Variants in SSX7 observed in about 807,000 individuals in gnomAD.
The protein encoded by SSX7 is protein SSX7.
Under a neutral mutation model 14.7 loss-of-function variants are expected in SSX7, and 15 were observed. The ratio of observed to expected loss-of-function variants is 1.02; its 90% CI spans 0.68 to 1.58. SSX7 has a LOEUF of 1.58. Ranked by LOEUF, SSX7 falls within the 40% of genes most tolerant of loss-of-function variation. The probability of loss-of-function intolerance (pLI) is 0.00; values close to 1 mark genes in which losing one functional copy is unlikely to be tolerated. For missense variants in SSX7, 178 were observed against 146.8 expected, an observed-to-expected ratio of 1.21 and a Z score of -1.10; for synonymous variants, 46 against 50.6, an observed-to-expected ratio of 0.91 and a Z score of 0.38.
intron 5 of SSX7, among the ~76,000 whole-genome samples, chrX:52,649,425 T>G (rs1171445227): frequency 8.9e-6 from 1 of 112,317 alleles, no homozygotes; most frequent in Non-Finnish European, 1.9e-5. Context: ...TTGTAAACAC[T>G]GTTTAAATGC....
chrX:52,650,937 C>T (rs1925405341), intron 4 of SSX7, among the ~76,000 whole-genome samples: 1 of 112,228 alleles, frequency 8.9e-6, no homozygotes, highest in Non-Finnish European at 1.9e-5. Flanking sequence ...ATTTTAGAAT[C>T]TGGCCTTTTT....
At position 52,653,045 on chromosome X, in the gene SSX7, C is replaced by T. The variant is rs1258528186; in HGVS notation, c.70-61G>A. ...TCAGCTAGACATGTCTGCCATTCAG[C>T]TGGAGCCCCTTCCTGTGTGCTGGAT... On this transcript the variant is annotated intron_variant, in intron 2 of 7. Coordinates refer to ENST00000298181, the MANE Select transcript of SSX7 (RefSeq NM_173358.2). 44 of 1,182,672 alleles carry T rather than the reference C, an allele frequency of 3.7e-5. No individual in the cohort carries two copies. The Admixed American group carries it at 8.4e-4, about 23-fold the overall frequency.
At chrX:52,653,649 G>A (rs1556767356) in intron 1 of SSX7, among the ~76,000 whole-genome samples, 157 bp from the exon 2 acceptor site, 1 of 110,491 alleles carries the variant, frequency 9.1e-6, no homozygotes, top group Non-Finnish European at 1.9e-5. Context: ...ATGGGGCGAA[G>A]TCAGATGAAA....
chrX:52,652,141 C>A, intron 4 of SSX7, 111 bp downstream of exon 4: 3 of 560,099 alleles, frequency 5.4e-6, no homozygotes, highest in Non-Finnish European at 5.7e-6. Flanking sequence ...TTTTTTCACT[C>A]AGCCCTGATG....
At chrX:52,649,270 CCA>C (rs1925349908) in intron 5 of SSX7, among the ~76,000 whole-genome samples, 8 of 111,353 alleles carry the variant, frequency 7.2e-5, no homozygotes, top group Non-Finnish European at 3.8e-5. Context: ...ACCTAGTGAT[CCA>C]TCCACCTCAG....
chrX:52,652,123 ATTT>A (rs369179144), intron 4 of SSX7, 126 bp downstream of exon 4: 17 of 417,924 alleles, frequency 4.1e-5, no homozygotes, highest in African/African-American at 5.3e-5. Context: ...TCTGCATGCA[ATTT>A]TTTTTTTTTT....
intron 5 of SSX7, among the ~76,000 whole-genome samples, chrX:52,649,801 G>A (rs1556766790): frequency 2.7e-5 from 3 of 112,750 alleles, no homozygotes; most frequent in Non-Finnish European, 5.6e-5. Context: ...AGCAACATCT[G>A]AACTTCATAA....
chrX:52,645,805 C>G (rs1223334580), intron 6 of SSX7, among the ~76,000 whole-genome samples: 16 of 111,094 alleles, frequency 1.4e-4, no homozygotes, highest in Non-Finnish European at 3.0e-4. Context: ...GAACATCCAC[C>G]CTTACCTCCT....
At chrX:52,650,920 G>A (rs781808412) in intron 4 of SSX7, among the ~76,000 whole-genome samples, 8 of 112,217 alleles carry the variant, frequency 7.1e-5, no homozygotes, top group Non-Finnish European at 1.3e-4. Flanking sequence ...TACAGTGATC[G>A]TGGGAGATTT....
chrX:52,648,517 T>G lies in SSX7; in HGVS notation c.331-121A>C, dbSNP rs1424572734. ...ATGTTCTCAACAATGCTGGGAGAGT[T>G]ACACATGCCTAAATTAGGAGAAACC... On this transcript the variant is annotated intron_variant, in intron 5 of 7. Coordinates refer to ENST00000298181, the MANE Select transcript of SSX7 (RefSeq NM_173358.2). The G allele has an allele frequency of 5.8e-6, 6 of 1,034,426 alleles. No individual in the cohort carries two copies. In the East Asian group the frequency reaches 1.9e-4, roughly 33 times the overall value. 85.2% of individuals were successfully genotyped at this position (1,034,426 alleles called of 1,213,427 possible).
rs1241818200 is a variant in SSX7 at position 52,652,273 on chromosome X, C to A, written c.259G>T (p.Asp87Tyr). 9 of 1,208,751 alleles carry A rather than the reference C, an allele frequency of 7.4e-6. No homozygotes were observed. The highest frequency in any genetic ancestry group is 1.0e-5 in the Non-Finnish European group (9 of 893,342). ...TDLQGNDFDN[D>Y]RNQGNQVERP... ...TCACCCTGATTCCCTTGGTTACGGT[C>A]ATTATCAAAATCATTCCCCTGGAGG... Residue 87 changes from aspartate (D) to tyrosine (Y), a missense_variant, in exon 4 of 8, where the codon GAC becomes TAC. Physicochemically the swap from Asp to Tyr is radical, Grantham distance 160. Transcript: ENST00000298181.
intron 6 of SSX7, among the ~76,000 whole-genome samples, chrX:52,646,328 G>A (rs1269022323): frequency 2.7e-5 from 3 of 112,649 alleles, no homozygotes; most frequent in Non-Finnish European, 5.6e-5. Context: ...CTCCCAAAGT[G>A]CTGGGATCAC....
intron 7 of SSX7, among the ~76,000 whole-genome samples, 188 bp from the exon 8 acceptor site, chrX:52,644,858 G>A (rs1399482807): frequency 9.0e-6 from 1 of 111,482 alleles, no homozygotes; most frequent in African/African-American, 3.3e-5. Context: ...CTTCGCCTGG[G>A]TTATCCATTC....
chrX:52,653,960 T>C (rs1249027505), intron 1 of SSX7, among the ~76,000 whole-genome samples: 6 of 111,389 alleles, frequency 5.4e-5, no homozygotes, highest in Non-Finnish European at 1.1e-4. Flanking sequence ...TAGGGGGTTC[T>C]GTTCTGTTGA....
chrX:52,645,279 A>C (rs782320000), intron 7 of SSX7, among the ~76,000 whole-genome samples, 160 bp downstream of exon 7: 1 of 110,268 alleles, frequency 9.1e-6, no homozygotes, highest in South Asian at 4.0e-4. Flanking sequence ...AAAAAAAAAA[A>C]AAAAACGTGG....
Position 52,651,333 on chromosome X carries a change from T to C in SSX7, c.280+919A>G, listed in dbSNP as rs1176965814. ...CTATCCAATACCTACATGCTGTTAA[T>C]GAGACAAACTCTGGAAGTTTTTGGC... On this transcript the variant is annotated intron_variant, in intron 4 of 7. Transcript: ENST00000298181. Among the ~76,000 whole-genome samples, 6 of 112,445 alleles carry C rather than the reference T, an allele frequency of 5.3e-5. No individual in the cohort carries two copies. In the Admixed American group the frequency reaches 5.7e-4, roughly 11 times the overall value.
chrX:52,649,601 C>A (rs1925365252), intron 5 of SSX7, among the ~76,000 whole-genome samples: 1 of 111,731 alleles, frequency 9.0e-6, no homozygotes. Flanking sequence ...GGGATGGGGG[C>A]TTCTGGGATG....
Position 52,653,436 on chromosome X carries a change from C to A in SSX7, c.37G>T (p.Ala13Ser), listed in dbSNP as rs1401394375. 1.7e-6 allele frequency: 2 copies of A among 1,211,598 alleles called. No homozygotes were observed. The highest frequency in any genetic ancestry group is 1.7e-5 in the African/African-American group (1 of 57,781). The change falls in exon 2 of 8, where the codon GCT becomes TCT. Residue 13 changes from alanine (A) to serine (S), a missense_variant. Transcript: ENST00000298181. ...GDDAFARRPR[A>S]GAQIPEKIQK... ...ATCTTCTCTGGTATTTGAGCACCAG[C>A]CCTAGGTCTCCTTGCAAAGGCGTCG... is the stretch of plus-strand genomic sequence containing the variant.
rs1556766595 is a variant in SSX7, at chrX:52,648,351, C to G, written c.376G>C (p.Val126Leu). 1 of 1,211,887 alleles carries G rather than the reference C, an allele frequency of 8.3e-7. No homozygotes were observed. Among genetic ancestry groups the G allele is most frequent in the East Asian group, 3.0e-5 (1 of 33,846 alleles). ...PAEEGNDSKG[V>L]PEASGSQNDG... ...TTCTGTGAGCCAGATGCTTCTGGCACTCCCTTCGAATCATTTCCTTCCTCT... is the reference window on the plus strand; with the variant it reads ...TTCTGTGAGCCAGATGCTTCTGGCAGTCCCTTCGAATCATTTCCTTCCTCT... Residue 126 changes from valine to leucine, a missense_variant, in exon 6 of 8, where the codon GTG (valine) becomes CTG (leucine). Val to Leu is a conservative substitution (Grantham distance 32, BLOSUM62 1). Coordinates refer to ENST00000298181, the MANE Select transcript of SSX7 (RefSeq NM_173358.2).
Sources: allele counts gnomAD v4.1 joint callset (sites outside exome capture counted in the v4.1 genomes callset), GRCh38; gene constraint gnomAD v4.1.1; transcripts MANE v1.5; gene names NCBI Gene and HGNC (gene_info 2026-07-23, HGNC 2026-07-21).